The following COL19A1 variants were observed in gnomAD, a reference collection of about 807,000 sequenced individuals.
The protein encoded by COL19A1 is collagen alpha-1(XIX) chain.
COL19A1 carries 159 observed loss-of-function variants against 190.2 expected under a neutral mutation model. The observed-to-expected ratio is 0.84, with a 90% CI of 0.73 to 0.95. The LOEUF is 0.95. COL19A1 is among the 40% of genes least tolerant of loss of function. The probability of loss-of-function intolerance (pLI) is 0.00; values close to 1 mark genes in which losing one functional copy is unlikely to be tolerated. For synonymous variants in COL19A1, 509 were observed against 458.9 expected (o/e 1.11, Z -1.39); for missense variants, 1,418 against 1,431.9 (o/e 0.99, Z 0.16).
chr6:69,988,235 G>T (rs1776414192), intron 11 of COL19A1, among the ~76,000 whole-genome samples: 1 of 152,112 alleles, frequency 6.6e-6, no homozygotes, highest in African/African-American at 2.4e-5. Flanking sequence ...CAGTGAAAAG[G>T]TTACATGTCA....
At chr6:69,956,883 A>T (rs1241004930) in intron 9 of COL19A1, among the ~76,000 whole-genome samples, 2 of 152,034 alleles carry the variant, frequency 1.3e-5, no homozygotes, top group Admixed American at 6.6e-5. Flanking sequence ...TGATAGGTCA[A>T]TTTTTTCAGT....
intron 15 of COL19A1, among the ~76,000 whole-genome samples, chr6:70,079,009 G>C (rs931189771): frequency 6.6e-6 from 1 of 152,180 alleles, no homozygotes; most frequent in African/African-American, 2.4e-5. Context: ...AGAGGCTTCA[G>C]TGAGCCGAGC....
chr6:69,915,079 T>C (rs1771201619), intron 4 of COL19A1, among the ~76,000 whole-genome samples: 2 of 152,240 alleles, frequency 1.3e-5, no homozygotes, highest in South Asian at 4.1e-4. Context: ...GAAACCGAAC[T>C]GTTACTACAC....
At chr6:69,923,186 T>A (rs1772111475) in intron 4 of COL19A1, among the ~76,000 whole-genome samples, 1 of 152,158 alleles carries the variant, frequency 6.6e-6, no homozygotes, top group Non-Finnish European at 1.5e-5. Context: ...CAGAACTTTT[T>A]AAGGGGCTTT....
intron 2 of COL19A1, among the ~76,000 whole-genome samples, chr6:69,896,493 C>T (rs1582317230): frequency 7.3e-6 from 1 of 136,542 alleles, no homozygotes; most frequent in South Asian, 2.4e-4. Context: ...GCCGAGATTG[C>T]GCCACTGCAG....
intron 14 of COL19A1, among the ~76,000 whole-genome samples, chr6:70,037,000 A>ATAG (rs1489392529): frequency 2.6e-5 from 4 of 152,322 alleles, no homozygotes; most frequent in African/African-American, 9.6e-5. Context: ...GGAAAACCTA[A>ATAG]GGAACTAAAT....
At chr6:70,003,436 T>G (rs1189267126) in intron 11 of COL19A1, among the ~76,000 whole-genome samples, 1 of 152,218 alleles carries the variant, frequency 6.6e-6, no homozygotes, top group Non-Finnish European at 1.5e-5. Flanking sequence ...TTTAATTTCC[T>G]GTTTTATTGA....
At chr6:69,872,397 G>A (rs1323940119) in intron 1 of COL19A1, among the ~76,000 whole-genome samples, 1 of 151,994 alleles carries the variant, frequency 6.6e-6, no homozygotes, top group Admixed American at 6.5e-5. Flanking sequence ...ATAGGATGAG[G>A]TTTCTTAATG....
intron 15 of COL19A1, among the ~76,000 whole-genome samples, chr6:70,084,562 G>A (rs1424658202): frequency 6.6e-6 from 1 of 152,232 alleles, no homozygotes; most frequent in African/African-American, 2.4e-5. Context: ...TACTGACACA[G>A]AAGTTTCTCT....
At chr6:69,992,686 A>G (rs1184862590) in intron 11 of COL19A1, among the ~76,000 whole-genome samples, 1 of 151,952 alleles carries the variant, frequency 6.6e-6, no homozygotes, top group East Asian at 1.9e-4. Flanking sequence ...GGTTGGCCCT[A>G]TTCCCAGGTA....
intron 34 of COL19A1, among the ~76,000 whole-genome samples, chr6:70,159,833 C>T (rs1787682850): frequency 6.6e-6 from 1 of 152,048 alleles, no homozygotes; most frequent in Non-Finnish European, 1.5e-5. Context: ...AATGGTATGG[C>T]AATCCAGAAA....
intron 4 of COL19A1, among the ~76,000 whole-genome samples, chr6:69,925,361 G>T (rs1373320489): frequency 6.6e-6 from 1 of 152,130 alleles, no homozygotes; most frequent in Non-Finnish European, 1.5e-5. Context: ...CCCATTGCTT[G>T]TTTTTGTCAG....
intron 48 of COL19A1, among the ~76,000 whole-genome samples, chr6:70,194,000 G>A (rs1767039113): frequency 6.6e-6 from 1 of 152,220 alleles, no homozygotes; most frequent in Non-Finnish European, 1.5e-5. Flanking sequence ...CAGTTAAGTA[G>A]TACAGACAGC....
chr6:69,887,358 G>A (rs957289022), intron 2 of COL19A1, among the ~76,000 whole-genome samples: 1 of 152,128 alleles, frequency 6.6e-6, no homozygotes, highest in African/African-American at 2.4e-5. Context: ...TTTTTCAAGA[G>A]TCATTTTTAG....
At chr6:70,064,976 G>C (rs1033140395) in intron 14 of COL19A1, among the ~76,000 whole-genome samples, 3 of 152,142 alleles carry the variant, frequency 2.0e-5, no homozygotes, top group Non-Finnish European at 4.4e-5. Flanking sequence ...ACAAATGGGA[G>C]AACATTCAAT....
At chr6:70,034,121 T>A in intron 12 of COL19A1, 124 bp from the exon 13 acceptor site, 1 of 707,172 alleles carries the variant, frequency 1.4e-6, no homozygotes, top group Admixed American at 2.2e-5. Context: ...TCTATTTCTC[T>A]CTATACTACA....
chr6:69,869,495 A>G (rs1267921701), intron 1 of COL19A1, among the ~76,000 whole-genome samples: 1 of 152,236 alleles, frequency 6.6e-6, no homozygotes, highest in East Asian at 1.9e-4. Context: ...AGAGAAATCA[A>G]AAGTAATTGT....
Position 70,042,615 on chromosome 6 carries a change from GA to G in COL19A1, c.1170+6678del, listed in dbSNP as rs542561300. Among the ~76,000 whole-genome samples the G allele has an allele frequency of 1.0e-3, 159 of 152,212 alleles. 2 individuals carry two copies. The highest frequency in any genetic ancestry group is 3.6e-3 in the African/African-American group (149 of 41,530). ...TAATTTCCTAAAATAAGACAAAAAT[GA>G]AGTTTGCCACCTTAATTGACTTTTC... On this transcript the variant is annotated intron_variant, in intron 14 of 50. Coordinates refer to ENST00000620364, the MANE Select transcript of COL19A1 (RefSeq NM_001858.6).
intron 44 of COL19A1, 151 bp from the exon 45 acceptor site, chr6:70,184,552 T>C: frequency 1.6e-6 from 1 of 643,894 alleles, no homozygotes; most frequent in Non-Finnish European, 2.7e-6. Context: ...GACTGTCAGA[T>C]TCTATTTATT....
Sources: gnomAD v4.1 joint callset for allele counts (sites outside exome capture counted in the v4.1 genomes callset) on GRCh38, gnomAD v4.1.1 for gene constraint, MANE v1.5 for transcripts, NCBI Gene and HGNC (gene_info 2026-07-23, HGNC 2026-07-21) for gene names.